Variants in PLAGL1 observed in about 807,000 individuals in gnomAD.
PLAGL1 encodes the protein PLAG1 like zinc finger 1.
PLAGL1 carries 1 observed loss-of-function variant against 4.6 expected under a neutral mutation model. That is an observed-to-expected ratio of 0.22 (90% CI 0.08 to 1.03). The LOEUF is 1.03. Ranked by LOEUF, PLAGL1 falls within the 50% of genes least tolerant of loss-of-function variation. The probability of loss-of-function intolerance (pLI) is 0.58; values close to 1 mark genes in which losing one functional copy is unlikely to be tolerated. For missense variants in PLAGL1, 464 were observed against 570.4 expected (o/e 0.81, Z 1.90); for synonymous variants, 240 against 237.8 (o/e 1.01, Z -0.08).
intron 1 of PLAGL1, among the ~76,000 whole-genome samples, chr6:144,020,458 T>G (rs1016604017): frequency 6.6e-6 from 1 of 151,874 alleles, no homozygotes; most frequent in Non-Finnish European, 1.5e-5. Flanking sequence ...CAGTTAATTT[T>G]TTGTATCTTT....
At chr6:144,054,639 C>G (rs944796303) in intron 1 of PLAGL1, among the ~76,000 whole-genome samples, 5 of 151,752 alleles carry the variant, frequency 3.3e-5, no homozygotes, top group African/African-American at 1.2e-4. Flanking sequence ...AGACAAATAC[C>G]TAATGCATGC....
At chr6:144,008,508 G>A (rs1461773211), upstream of PLAGL1, 1 of 152,224 alleles carries the variant, frequency 6.6e-6, no homozygotes, top group Non-Finnish European at 1.5e-5. This position sits in a 1 kb window ranked among gnomAD's most constrained non-coding sequence, Gnocchi z 6.9. Context: ...CGGCGGCCGA[G>A]GCGGGGGGAG....
chr6:144,051,232 G>T (rs895422646), intron 1 of PLAGL1, among the ~76,000 whole-genome samples: 3 of 152,018 alleles, frequency 2.0e-5, no homozygotes, highest in African/African-American at 7.2e-5. Flanking sequence ...CTCAATACAG[G>T]AAACCACAAT....
In PLAGL1 at chr6:143,963,478, T is replaced by C. The variant is rs748123404; in HGVS notation, c.-399+1309A>G. ...TCCCGGATCCTCACCAGGTGATGGC[T>C]ACTGTTTTAAGAACTTTACCTAATA... On this transcript the variant is annotated intron_variant, in intron 5 of 7. Coordinates refer to ENST00000674357, the MANE Select transcript of PLAGL1 (RefSeq NM_001317162.2). The surrounding 1 kb of genome is among the most constrained non-coding windows in gnomAD (Gnocchi z 6.1). Among the ~76,000 whole-genome samples, 1 of 152,208 alleles carries C rather than the reference T, an allele frequency of 6.6e-6. No individual in the cohort carries two copies. Among genetic ancestry groups the C allele is most frequent in the African/African-American group, 2.4e-5 (1 of 41,452 alleles).
chr6:143,946,416 C>T (rs745948379), intron 7 of PLAGL1, among the ~76,000 whole-genome samples: 1 of 152,200 alleles, frequency 6.6e-6, no homozygotes, highest in African/African-American at 2.4e-5. Flanking sequence ...CCTCCGCACA[C>T]GCAAGAAGCT....
chr6:144,021,957 A>G (rs1230052311), intron 1 of PLAGL1, among the ~76,000 whole-genome samples: 1 of 152,224 alleles, frequency 6.6e-6, no homozygotes, highest in East Asian at 1.9e-4. Flanking sequence ...GAGGCAACCC[A>G]GAAAGGCTGA....
upstream of PLAGL1, among the ~76,000 whole-genome samples, chr6:144,010,884 G>A (rs187886941): frequency 3.0e-4 from 45 of 152,280 alleles, no homozygotes; most frequent in East Asian, 8.3e-3. This position sits in a 1 kb window ranked among gnomAD's most constrained non-coding sequence, Gnocchi z 4.1. Context: ...AATGGTGTTG[G>A]GAAAAACTGG....
At position 143,985,998 on chromosome 6, in the gene PLAGL1, A is replaced by G. The variant is rs1789035910; in HGVS notation, c.-583-824T>C. On this transcript the variant is annotated intron_variant, in intron 1 of 7. Transcript: ENST00000674357. This position sits in a 1 kb window ranked among gnomAD's most constrained non-coding sequence, Gnocchi z 4.4. Reference sequence around the variant, plus strand: ...TATATAAAATTATATATATATATATATATATATATATATCATTTAATCCTT... The same window carrying G: ...TATATAAAATTATATATATATATATGTATATATATATATCATTTAATCCTT... 7.1e-6 allele frequency among the ~76,000 whole-genome samples: 1 copy of G among 140,992 alleles called. No individual in the cohort carries two copies. The highest frequency in any genetic ancestry group is 2.6e-5 in the African/African-American group (1 of 38,808). 92.5% of individuals were successfully genotyped at this position (140,992 alleles called of 152,430 possible). A position where few individuals can be genotyped will look rare whatever the true frequency, so the allele number is the denominator to read the frequency against.
At position 144,000,389 on chromosome 6, in the gene PLAGL1, A is replaced by G. The variant is rs1792598944; in HGVS notation, c.-584+7701T>C. Among the ~76,000 whole-genome samples, 1 of 152,190 alleles carries G rather than the reference A, an allele frequency of 6.6e-6. No individual in the cohort carries two copies. Among genetic ancestry groups the G allele is most frequent in the Non-Finnish European group, 1.5e-5 (1 of 67,996 alleles). Reference sequence around the variant, plus strand: ...AATATAATGTTATTTATGAAGTAGTAACTAGCTGGTTAGAAAATAAGAAAC... The same window carrying G: ...AATATAATGTTATTTATGAAGTAGTGACTAGCTGGTTAGAAAATAAGAAAC... On this transcript the variant is annotated intron_variant, in intron 1 of 7. Coordinates refer to ENST00000674357, the MANE Select transcript of PLAGL1 (RefSeq NM_001317162.2). The surrounding 1 kb of genome is among the most constrained non-coding windows in gnomAD (Gnocchi z 4.1).
Position 143,957,178 on chromosome 6 carries a change from AG to A in PLAGL1, c.-325+3290del, listed in dbSNP as rs1782337892. 6.6e-6 allele frequency among the ~76,000 whole-genome samples: 1 copy of A among 152,242 alleles called. No individual in the cohort carries two copies. On this transcript the variant is annotated intron_variant, in intron 6 of 7. Coordinates refer to ENST00000674357, the MANE Select transcript of PLAGL1 (RefSeq NM_001317162.2). This position sits in a 1 kb window ranked among gnomAD's most constrained non-coding sequence, Gnocchi z 4.2. ...ACAAAAAAATAGACAAATGTCTACA[AG>A]TAAAATAGATGTGTGCATTGAGAAA...
At chr6:143,998,509 T>C (rs1450060957) in intron 1 of PLAGL1, among the ~76,000 whole-genome samples, 3 of 152,186 alleles carry the variant, frequency 2.0e-5, no homozygotes, top group Non-Finnish European at 1.5e-5. Flanking sequence ...CTTTGCAAAA[T>C]TGTAGCACAA....
Position 144,042,642 on chromosome 6 carries a change from G to A in PLAGL1, c.-151+21826C>T, listed in dbSNP as rs143990707. 2.2e-3 allele frequency among the ~76,000 whole-genome samples: 338 copies of A among 152,306 alleles called. 4 individuals are homozygous for A. The highest frequency in any genetic ancestry group is 7.9e-3 in the African/African-American group (327 of 41,570). ...AGCTTTGTTCTTTTTGCTTAGGATT[G>A]TCTTGGCAATGCAAGCTCTTTTTTG... On this transcript the variant is annotated intron_variant, in intron 1 of 3. Coordinates refer to the PLAGL1 transcript ENST00000437412.
intron 1 of PLAGL1, among the ~76,000 whole-genome samples, chr6:144,032,059 T>C (rs979723114): frequency 6.6e-6 from 1 of 152,120 alleles, no homozygotes; most frequent in African/African-American, 2.4e-5. Flanking sequence ...CCTTTACCTA[T>C]TTGGGCACAA....
intron 1 of PLAGL1, among the ~76,000 whole-genome samples, chr6:144,021,963 G>T (rs543650445): frequency 2.6e-5 from 4 of 152,120 alleles, no homozygotes; most frequent in African/African-American, 9.7e-5. Flanking sequence ...ACCCAGAAAG[G>T]CTGACTAGAA....
At chr6:144,060,532 G>T (rs7772820) in intron 1 of PLAGL1, among the ~76,000 whole-genome samples, 1 of 152,054 alleles carries the variant, frequency 6.6e-6, no homozygotes, top group Non-Finnish European at 1.5e-5. Flanking sequence ...TGCTGAATTG[G>T]AAGACATGAA....
intron 1 of PLAGL1, among the ~76,000 whole-genome samples, chr6:144,024,412 T>C (rs1302904878): frequency 1.3e-5 from 2 of 152,148 alleles, no homozygotes; most frequent in African/African-American, 2.4e-5. Context: ...GTGGAGATCA[T>C]TGAGTCATGG....
intron 3 of PLAGL1, chr6:143,967,997 C>CAAAAAAAAAAAAA (rs60021436): frequency 2.2e-5 from 2 of 89,992 alleles, no homozygotes; most frequent in Middle Eastern, 8.9e-3. Context: ...GGACATTTTG[C>CAAAAAAAAAAAAA]AAAAAAAAAA....
chr6:144,060,369 T>C (rs1406846419), intron 1 of PLAGL1, among the ~76,000 whole-genome samples: 1 of 152,180 alleles, frequency 6.6e-6, no homozygotes, highest in African/African-American at 2.4e-5. Context: ...ATTTAGCATT[T>C]ATATTTATTT....
In PLAGL1 at chr6:143,957,435, C is replaced by T. The variant is rs966492746; in HGVS notation, c.-325+3034G>A. ...AGCTGAAAATACATCCCCCTCCTCA[C>T]TCCCTAGAAACCCTTGAGTCTCGCC... On this transcript the variant is annotated intron_variant, in intron 6 of 7. Transcript: ENST00000674357. This position sits in a 1 kb window ranked among gnomAD's most constrained non-coding sequence, Gnocchi z 4.2. 6.6e-6 allele frequency among the ~76,000 whole-genome samples: 1 copy of T among 152,208 alleles called. No individual in the cohort carries two copies. The highest frequency in any genetic ancestry group is 1.5e-5 in the Non-Finnish European group (1 of 68,032).
Sources: gnomAD v4.1 joint callset for allele counts (sites outside exome capture counted in the v4.1 genomes callset) on GRCh38, gnomAD v4.1.1 for gene constraint, Gnocchi (gnomAD v3.1) non-coding constraint, MANE v1.5 for transcripts, NCBI Gene and HGNC (gene_info 2026-07-23, HGNC 2026-07-21) for gene names.